The following EPS15 variants were observed in gnomAD, a reference collection of about 807,000 sequenced individuals.
The protein encoded by EPS15 is epidermal growth factor receptor pathway substrate 15.
A neutral mutation model predicts 113.8 loss-of-function variants in EPS15; 72 were observed. That is an observed-to-expected ratio of 0.63 (90% CI 0.52 to 0.77). The LOEUF (loss-of-function observed/expected upper bound fraction) is 0.77, where lower values mean the gene tolerates loss of function less well. Among genes scored for constraint, EPS15 ranks in the 30% least tolerant of loss-of-function variants. EPS15 has a pLI of 0.00. For synonymous variants in EPS15, 344 were observed against 363.4 expected (o/e 0.95, Z 0.61); for missense variants, 1,048 against 1,045.8 (o/e 1.00, Z -0.03).
intron 1 of EPS15, among the ~76,000 whole-genome samples, chr1:51,493,658 G>A (rs1380253721): frequency 2.0e-5 from 3 of 150,726 alleles, no homozygotes; most frequent in South Asian, 4.2e-4. Context: ...TCCCTCTGTC[G>A]CCCAGGCTGG....
intron 1 of EPS15, among the ~76,000 whole-genome samples, chr1:51,512,776 T>C (rs1644647192): frequency 6.6e-6 from 1 of 150,736 alleles, no homozygotes; most frequent in South Asian, 2.1e-4. Context: ...TTGATCAAGC[T>C]GTGGAGGAAA....
In EPS15 at chr1:51,465,251, G is replaced by T; in HGVS notation, c.375+10C>A. The stretch of plus-strand genomic sequence containing the variant: ...GAAGGGGTGAGAGAATAGTTACAAA[G>T]TTTACTTACTTTTACAGCCCATGGG... On this transcript the variant is annotated intron_variant, in intron 6 of 24. Coordinates refer to ENST00000371733, the MANE Select transcript of EPS15 (RefSeq NM_001981.3). 1 of 1,583,038 alleles carries T rather than the reference G, an allele frequency of 6.3e-7. No individual in the cohort carries two copies. Among genetic ancestry groups the T allele is most frequent in the Non-Finnish European group, 8.7e-7 (1 of 1,154,730 alleles).
At chr1:51,496,781 T>C (rs1284176630) in intron 1 of EPS15, among the ~76,000 whole-genome samples, 2 of 152,224 alleles carry the variant, frequency 1.3e-5, no homozygotes, top group East Asian at 1.9e-4. Flanking sequence ...CACTCCATTA[T>C]AGTCAGAACT....
In EPS15 at chr1:51,472,935, T is replaced by C. The variant is rs552967683; in HGVS notation, c.89A>G (p.Asn30Ser). ...ATCAGAAGCCAACACCCTTCCAGTA[T>C]TGCCTGTATCAACCTGAAAAGATAC... ...EKYYRQVDTG[N>S]TGRVLASDAA... Residue 30 changes from asparagine (N) to serine (S), a missense_variant, in exon 3 of 25, where the codon AAT becomes AGT. Transcript: ENST00000371733. 13 of 1,613,344 alleles carry C rather than the reference T, an allele frequency of 8.1e-6. No homozygotes were observed. The highest frequency in any genetic ancestry group is 3.3e-5 in the Admixed American group (2 of 59,960).
chr1:51,486,871 C>T (rs1570409165), intron 1 of EPS15, among the ~76,000 whole-genome samples: 1 of 151,898 alleles, frequency 6.6e-6, no homozygotes, highest in African/African-American at 2.4e-5. Flanking sequence ...GGCTTCATCA[C>T]GTTGGCCAGG....
intron 1 of EPS15, among the ~76,000 whole-genome samples, chr1:51,517,803 C>T (rs894160435): frequency 6.6e-6 from 1 of 152,200 alleles, no homozygotes; most frequent in African/African-American, 2.4e-5. Context: ...TTCCTTATGA[C>T]ACTTAGAATT....
At chr1:51,370,923 T>C (rs1436131022) in intron 21 of EPS15, among the ~76,000 whole-genome samples, 1 of 151,028 alleles carries the variant, frequency 6.6e-6, no homozygotes. Context: ...CCACCCTATT[T>C]TGGTTTTTTT....
At chr1:51,482,390 G>C (rs1248564037) in intron 1 of EPS15, among the ~76,000 whole-genome samples, 3 of 152,098 alleles carry the variant, frequency 2.0e-5, no homozygotes, top group Admixed American at 2.0e-4. Context: ...AAAAAGAACA[G>C]CAAGAAGTTC....
intron 21 of EPS15, among the ~76,000 whole-genome samples, chr1:51,386,128 TGAG>T (rs1287920210): frequency 1.3e-5 from 2 of 152,240 alleles, no homozygotes. Context: ...ACATGTTCTC[TGAG>T]AAGAGCAGCT....
intron 4 of EPS15, among the ~76,000 whole-genome samples, chr1:51,469,510 G>A (rs1161759910): frequency 1.3e-5 from 2 of 152,144 alleles, no homozygotes; most frequent in African/African-American, 4.8e-5. Context: ...GCTGTTTTGA[G>A]TTAGTGTCAT....
At chr1:51,471,561 A>G (rs1655239560) in intron 4 of EPS15, 129 bp downstream of exon 4, 1 of 706,110 alleles carries the variant, frequency 1.4e-6, no homozygotes, top group East Asian at 2.5e-5. Context: ...TTTGTTACAC[A>G]CTTGCCCTAG....
chr1:51,445,082 C>A, intron 10 of EPS15, 37 bp from the exon 11 acceptor site: 1 of 1,561,368 alleles, frequency 6.4e-7, no homozygotes, highest in Non-Finnish European at 8.7e-7. Context: ...ATGTAAGTGC[C>A]ACAACTGCAA....
chr1:51,447,133 C>T, intron 9 of EPS15, 28 bp from the exon 10 acceptor site: 1 of 1,572,774 alleles, frequency 6.4e-7, no homozygotes, highest in Admixed American at 2.1e-5. Context: ...AACAGTATTT[C>T]TGCCAAAATG....
At chr1:51,483,660 G>T (rs1257533250) in intron 1 of EPS15, among the ~76,000 whole-genome samples, 1 of 151,968 alleles carries the variant, frequency 6.6e-6, no homozygotes, top group Non-Finnish European at 1.5e-5. Context: ...CAAAAAATTA[G>T]CTGGACAGGG....
In EPS15 at chr1:51,405,423, G is replaced by A. The variant is rs562446106; in HGVS notation, c.1677+482C>T. ...CAAAAAATAAATTAGCTGGCTGGGC[G>A]TGGTGGCTCACGCCTGTAATCCCTG... On this transcript the variant is annotated intron_variant, in intron 16 of 24. Transcript: ENST00000371733. Among the ~76,000 whole-genome samples the A allele has an allele frequency of 9.2e-5, 14 of 152,318 alleles. 1 individual carries two copies. In the East Asian group the frequency reaches 1.4e-3, roughly 15 times the overall value.
chr1:51,435,816 GC>G (rs1652105431), intron 12 of EPS15, among the ~76,000 whole-genome samples: 1 of 152,136 alleles, frequency 6.6e-6, no homozygotes, highest in African/African-American at 2.4e-5. Context: ...AACGAATAAA[GC>G]CTCTGGAAGA....
chr1:51,503,325 A>C (rs1644444893), intron 1 of EPS15, among the ~76,000 whole-genome samples: 1 of 152,128 alleles, frequency 6.6e-6, no homozygotes, highest in Non-Finnish European at 1.5e-5. Flanking sequence ...GGAATAGCCG[A>C]AACAATCTTG....
At chr1:51,433,387 AC>A (rs1383077585) in intron 12 of EPS15, among the ~76,000 whole-genome samples, 49 of 152,378 alleles carry the variant, frequency 3.2e-4, no homozygotes, top group African/African-American at 1.1e-3. Context: ...TTTCCATTTT[AC>A]AGATAAATAA....
chr1:51,462,870 ATT>A (rs34320767), intron 7 of EPS15, among the ~76,000 whole-genome samples: 27 of 111,050 alleles, frequency 2.4e-4, no homozygotes, highest in African/African-American at 5.4e-4. Flanking sequence ...AAAAAGTCAG[ATT>A]TTTTTTTTTT....
Sources: allele counts gnomAD v4.1 joint callset (sites outside exome capture counted in the v4.1 genomes callset), GRCh38; gene constraint gnomAD v4.1.1; transcripts MANE v1.5; gene names NCBI Gene and HGNC (gene_info 2026-07-23, HGNC 2026-07-21).